PTPRG: variants seen among roughly 807,000 people sequenced by gnomAD.
PTPRG encodes the protein protein tyrosine phosphatase receptor type G.
A neutral mutation model predicts 165.3 loss-of-function variants in PTPRG; 102 were observed. That is an observed-to-expected ratio of 0.62 (90% CI 0.53 to 0.73). PTPRG has a LOEUF of 0.73. Ranked by LOEUF, PTPRG falls within the 30% of genes least tolerant of loss-of-function variation. PTPRG has a pLI of 0.00. For missense variants in PTPRG, 1,866 were observed against 1,861.4 expected (o/e 1.00, Z -0.05); for synonymous variants, 675 against 669.5 (o/e 1.01, Z -0.13).
intron 2 of PTPRG, among the ~76,000 whole-genome samples, chr3:61,895,671 G>C (rs1014571041): frequency 6.6e-6 from 1 of 152,120 alleles, no homozygotes; most frequent in African/African-American, 2.4e-5. Flanking sequence ...TGGGCTTCTT[G>C]GTAGCAGTTT....
intron 1 of PTPRG, among the ~76,000 whole-genome samples, chr3:61,677,924 C>G (rs4688656): frequency 0.8 from 121,015 of 152,088 alleles, 48,273 homozygotes; most frequent in East Asian, 0.91. Flanking sequence ...CTTGTGTACA[C>G]CCCTTCCTCA....
chr3:62,271,297 G>T lies in PTPRG; in HGVS notation c.3010-86G>T, dbSNP rs1427401304. ...GTGATTAGGGTGAATGTGATCAGTG[G>T]TCATGTGTCCTGACACCCTTACATT... is the stretch of plus-strand genomic sequence containing the variant. On this transcript the variant is annotated intron_variant, in intron 20 of 29. Coordinates refer to ENST00000474889, the MANE Select transcript of PTPRG (RefSeq NM_002841.4). The surrounding 1 kb of genome is among the most constrained non-coding windows in gnomAD (Gnocchi z 4.1). The T allele has an allele frequency of 8.6e-7, 1 of 1,157,282 alleles. No homozygotes were observed. Among genetic ancestry groups the T allele is most frequent in the African/African-American group, 1.6e-5 (1 of 64,338 alleles). 71.7% of individuals were successfully genotyped at this position (1,157,282 alleles called of 1,614,324 possible).
chr3:62,277,643 A>G lies in PTPRG; in HGVS notation c.3729A>G (p.Ala1243=). 1 of 1,612,880 alleles carries G rather than the reference A, an allele frequency of 6.2e-7. No homozygotes were observed. Among genetic ancestry groups the G allele is most frequent in the African/African-American group, 1.3e-5 (1 of 74,988 alleles). Residue 1243 remains alanine, a synonymous_variant, in exon 26 of 30, where the codon GCA becomes GCG. Transcript: ENST00000474889. Reference sequence around the variant, plus strand: ...GGCGAATGATTTGGGATCATAACGCACAGATCATTGTCATGCTGCCAGACA... The same window carrying G: ...GGCGAATGATTTGGGATCATAACGCGCAGATCATTGTCATGCTGCCAGACA... ...DFWRMIWDHN[A]QIIVMLPDNQ...
chr3:62,203,944 A>C lies in PTPRG; in HGVS notation c.2149A>C (p.Asn717His). ...TGAAGACAGCAGATTTATCACTGTT[A>C]ATCCAGGTAAGTGGTGCAGGTCTTC... The part of the protein sequence containing the change: ...FSEDSRFITV[N>H]PAEKNTSGMI... Residue 717 changes from asparagine (N) to histidine (H), a missense_variant, in exon 12 of 30, where the codon AAT becomes CAT. By Grantham distance (68) the Asn-to-His change is moderately conservative (BLOSUM62 1). This residue lies in a region of PTPRG where 1,452 missense variants were observed against 1,463.0 expected (regional missense o/e 0.99). Coordinates refer to ENST00000474889, the MANE Select transcript of PTPRG (RefSeq NM_002841.4). This position sits in a 1 kb window ranked among gnomAD's most constrained non-coding sequence, Gnocchi z 6.4. 6.4e-7 allele frequency: 1 copy of C among 1,568,058 alleles called. No individual in the cohort carries two copies. Among genetic ancestry groups the C allele is most frequent in the Non-Finnish European group, 8.7e-7 (1 of 1,153,758 alleles).
chr3:61,685,835 G>C (rs911637324), intron 1 of PTPRG, among the ~76,000 whole-genome samples: 1 of 152,302 alleles, frequency 6.6e-6, no homozygotes, highest in Non-Finnish European at 1.5e-5. Context: ...TGCCCCTAGA[G>C]TGTGGCCTTT....
intron 1 of PTPRG, among the ~76,000 whole-genome samples, chr3:61,654,808 G>T (rs1278331848): frequency 8.8e-6 from 1 of 114,026 alleles, no homozygotes; most frequent in East Asian, 2.7e-4. Context: ...TTGAGACAAA[G>T]TCTCACTCTG....
chr3:61,647,082 T>C (rs1312174257), intron 1 of PTPRG, among the ~76,000 whole-genome samples: 1 of 152,186 alleles, frequency 6.6e-6, no homozygotes, highest in Non-Finnish European at 1.5e-5. Context: ...GTGTACATAG[T>C]TTTTGAGTGA....
chr3:61,615,422 CGTTGGGA>C (rs1701275057), intron 1 of PTPRG, among the ~76,000 whole-genome samples: 1 of 152,210 alleles, frequency 6.6e-6, no homozygotes, highest in Admixed American at 6.5e-5. Flanking sequence ...TCAGGTTATG[CGTTGGGA>C]CAGAAACACC....
Position 62,195,220 on chromosome 3 carries a change from C to G in PTPRG, c.1327+50C>G, listed in dbSNP as rs1303496446. ...GCCGGGGTGCCCCTGAGACTCCCTC[C>G]CAATGCTTTCTGCTTCTTCCTGCTC... On this transcript the variant is annotated intron_variant, in intron 10 of 29. Coordinates refer to ENST00000474889, the MANE Select transcript of PTPRG (RefSeq NM_002841.4). The surrounding 1 kb of genome is among the most constrained non-coding windows in gnomAD (Gnocchi z 4.4). 2 of 1,473,154 alleles carry G rather than the reference C, an allele frequency of 1.4e-6. No homozygotes were observed. Among genetic ancestry groups the G allele is most frequent in the Non-Finnish European group, 1.9e-6 (2 of 1,052,250 alleles). The allele number at this position is 1,473,154 out of a possible 1,614,324, so 91.3% of individuals were successfully genotyped here.
At chr3:62,057,165 T>C (rs552340026) in intron 4 of PTPRG, among the ~76,000 whole-genome samples, 1 of 152,192 alleles carries the variant, frequency 6.6e-6, no homozygotes, top group African/African-American at 2.4e-5. Flanking sequence ...ATCAGAGTTT[T>C]AATGGGCCTT....
intron 2 of PTPRG, among the ~76,000 whole-genome samples, chr3:61,928,139 T>A (rs974877965): frequency 3.9e-5 from 6 of 152,186 alleles, no homozygotes; most frequent in Admixed American, 2.0e-4. Flanking sequence ...TCACACACAG[T>A]CATGTTGTCT....
chr3:61,670,538 T>C (rs1319070529), intron 1 of PTPRG, among the ~76,000 whole-genome samples: 1 of 152,220 alleles, frequency 6.6e-6, no homozygotes, highest in Non-Finnish European at 1.5e-5. Context: ...GCGACATCTT[T>C]TACTTGCTTA....
At chr3:61,987,533 A>G (rs2107689366) in intron 2 of PTPRG, among the ~76,000 whole-genome samples, 1 of 152,248 alleles carries the variant, frequency 6.6e-6, no homozygotes, top group South Asian at 2.1e-4. Context: ...CTATTATTTG[A>G]GTCATATGTA....
At chr3:61,595,247 A>G (rs1171147873) in intron 1 of PTPRG, among the ~76,000 whole-genome samples, 1 of 151,958 alleles carries the variant, frequency 6.6e-6, no homozygotes, top group Admixed American at 6.6e-5. Flanking sequence ...TCGCTGGTGA[A>G]CTATTTGTTT....
At chr3:62,185,541 G>A (rs554979748) in intron 8 of PTPRG, among the ~76,000 whole-genome samples, 16 of 152,246 alleles carry the variant, frequency 1.1e-4, no homozygotes, top group African/African-American at 3.1e-4. Flanking sequence ...GAGAGCTGCC[G>A]GGGAAGTGGG....
intron 12 of PTPRG, among the ~76,000 whole-genome samples, chr3:62,216,218 GAAA>G (rs11386316): frequency 1.5e-5 from 2 of 135,670 alleles, no homozygotes; most frequent in African/African-American, 5.3e-5. Flanking sequence ...TTTCAAAAAA[GAAA>G]AAAAAAAAAA....
At chr3:61,592,649 C>CTT (rs373986933) in intron 1 of PTPRG, among the ~76,000 whole-genome samples, 10 of 132,892 alleles carry the variant, frequency 7.5e-5, no homozygotes, top group South Asian at 2.3e-4. Context: ...TTCTTTCTTT[C>CTT]TTTTTTTTTT....
chr3:61,591,967 TG>T (rs1223324678), intron 1 of PTPRG, among the ~76,000 whole-genome samples: 1 of 151,676 alleles, frequency 6.6e-6, no homozygotes, highest in African/African-American at 2.4e-5. Context: ...CTCCACACAG[TG>T]GAGTGCTAAT....
intron 2 of PTPRG, among the ~76,000 whole-genome samples, chr3:61,832,353 G>A (rs1361185589): frequency 6.6e-6 from 1 of 152,132 alleles, no homozygotes; most frequent in Non-Finnish European, 1.5e-5. Context: ...CCCTTCCCTG[G>A]ACTAAGTCAT....
Sources: gnomAD v4.1 joint callset for allele counts (sites outside exome capture counted in the v4.1 genomes callset) on GRCh38, gnomAD v4.1.1 for gene constraint, gnomAD v4.1.1 regional missense constraint, Gnocchi (gnomAD v3.1) non-coding constraint, MANE v1.5 for transcripts, NCBI Gene and HGNC (gene_info 2026-07-23, HGNC 2026-07-21) for gene names.